Variants in MTA3 observed in about 807,000 individuals in gnomAD.
MTA3 encodes the protein metastasis-associated protein MTA3.
Under a neutral mutation model 83.5 loss-of-function variants are expected in MTA3, and 34 were observed. That is an observed-to-expected ratio of 0.41 (90% CI 0.31 to 0.54). The LOEUF is 0.54. Ranked by LOEUF, MTA3 falls within the 20% of genes least tolerant of loss-of-function variation. The probability of loss-of-function intolerance (pLI) is 0.33; values close to 1 mark genes in which losing one functional copy is unlikely to be tolerated. For missense variants in MTA3, 761 were observed against 726.4 expected, an observed-to-expected ratio of 1.05 and a Z score of -0.55; for synonymous variants, 303 against 252.7, an observed-to-expected ratio of 1.20 and a Z score of -1.89.
At chr2:42,731,463 C>T (rs146335411) in intron 16 of MTA3, among the ~76,000 whole-genome samples, 1 of 152,318 alleles carries the variant, frequency 6.6e-6, no homozygotes, top group East Asian at 1.9e-4. Flanking sequence ...GCACTTTTTA[C>T]ATGGTGGCAG....
At chr2:42,614,990 A>C (rs192883672) in intron 4 of MTA3, among the ~76,000 whole-genome samples, 1,576 of 150,258 alleles carry the variant, frequency 0.01, 23 homozygotes, top group African/African-American at 0.037. Context: ...AAAAAAAAAA[A>C]CAAAAAGCAG....
chr2:42,654,804 T>A (rs1689014957), intron 6 of MTA3, among the ~76,000 whole-genome samples: 1 of 152,170 alleles, frequency 6.6e-6, no homozygotes, highest in African/African-American at 2.4e-5. Context: ...TTTGTAGAGT[T>A]GGAGTCTCAC....
intron 8 of MTA3, among the ~76,000 whole-genome samples, chr2:42,670,149 C>T (rs1480679227): frequency 6.6e-6 from 1 of 152,016 alleles, no homozygotes; most frequent in Non-Finnish European, 1.5e-5. Flanking sequence ...ATCCCAGCGA[C>T]TTGGGAGGCT....
chr2:42,612,907 A>G (rs963851261), intron 4 of MTA3, among the ~76,000 whole-genome samples: 4 of 152,212 alleles, frequency 2.6e-5, no homozygotes, highest in African/African-American at 9.6e-5. Context: ...TTACGTGGCC[A>G]GTCTTAAGAC....
At chr2:42,526,724 C>T (rs1343736169) in intron 2 of MTA3, among the ~76,000 whole-genome samples, 1 of 151,956 alleles carries the variant, frequency 6.6e-6, no homozygotes, top group East Asian at 1.9e-4. Context: ...AAGAGGCTAC[C>T]CTTCAAGATG....
At chr2:42,725,559 C>T (rs1485934262) in intron 16 of MTA3, among the ~76,000 whole-genome samples, 3 of 152,230 alleles carry the variant, frequency 2.0e-5, no homozygotes, top group Admixed American at 1.3e-4. Flanking sequence ...CCACCATTCT[C>T]AGGGTTGGGA....
chr2:42,655,551 G>C (rs1483780529), intron 6 of MTA3, among the ~76,000 whole-genome samples: 1 of 151,952 alleles, frequency 6.6e-6, no homozygotes, highest in Non-Finnish European at 1.5e-5. Flanking sequence ...CTATTTATTT[G>C]GTTTATATCA....
chr2:42,571,386 C>T (rs1230616478), intron 2 of MTA3, among the ~76,000 whole-genome samples: 1 of 63,806 alleles, frequency 1.6e-5, no homozygotes, highest in Non-Finnish European at 2.9e-5. Context: ...AACACTGTCT[C>T]AAAAAAAAAA....
At chr2:42,504,665 C>CT (rs373215866) in intron 2 of MTA3, among the ~76,000 whole-genome samples, 3,095 of 142,954 alleles carry the variant, frequency 0.022, 69 homozygotes, top group African/African-American at 0.068. Context: ...TTTAAGCTTG[C>CT]TTTTTTTTTT....
chr2:42,581,302 G>A (rs1240961957), intron 3 of MTA3, among the ~76,000 whole-genome samples: 1 of 151,568 alleles, frequency 6.6e-6, no homozygotes, highest in Non-Finnish European at 1.5e-5. Context: ...TAGCCTCAAG[G>A]GATCCTCACA....
At chr2:42,625,584 A>G (rs1195831132) in intron 4 of MTA3, among the ~76,000 whole-genome samples, 2 of 150,234 alleles carry the variant, frequency 1.3e-5, no homozygotes, top group African/African-American at 5.0e-5. Context: ...GTCTCTACTA[A>G]AAATACAAAA....
intron 2 of MTA3, among the ~76,000 whole-genome samples, chr2:42,532,277 G>A (rs1344344676): frequency 6.6e-6 from 1 of 152,210 alleles, no homozygotes; most frequent in East Asian, 1.9e-4. Context: ...TTGAGAGGTT[G>A]AGATGGGTGG....
chr2:42,507,721 G>A (rs1674698815), intron 2 of MTA3, among the ~76,000 whole-genome samples: 1 of 151,704 alleles, frequency 6.6e-6, no homozygotes, highest in African/African-American at 2.4e-5. Flanking sequence ...TTGAGCCCAG[G>A]AGTTCAAGAC....
At chr2:42,695,389 C>A (rs1461407932) in intron 9 of MTA3, among the ~76,000 whole-genome samples, 1 of 151,870 alleles carries the variant, frequency 6.6e-6, no homozygotes, top group African/African-American at 2.4e-5. Flanking sequence ...AATCTCAGCA[C>A]TTTGGGAGGC....
intron 2 of MTA3, among the ~76,000 whole-genome samples, chr2:42,497,492 C>T (rs1044441643): frequency 2.7e-5 from 4 of 147,852 alleles, no homozygotes; most frequent in African/African-American, 5.0e-5. Context: ...AGCTGAGGCA[C>T]GAGAATCGCT....
At chr2:42,722,264 T>C (rs1481140315) in intron 15 of MTA3, among the ~76,000 whole-genome samples, 1 of 152,230 alleles carries the variant, frequency 6.6e-6, no homozygotes, top group Non-Finnish European at 1.5e-5. Context: ...TATACCTTTG[T>C]TAAACATGCA....
At chr2:42,616,282 C>T (rs1424466347) in intron 4 of MTA3, among the ~76,000 whole-genome samples, 1 of 152,098 alleles carries the variant, frequency 6.6e-6, no homozygotes, top group African/African-American at 2.4e-5. Flanking sequence ...AGGCTGGCCT[C>T]GAACTCCTGA....
chr2:42,499,487 C>T (rs906541722), intron 2 of MTA3, among the ~76,000 whole-genome samples: 3 of 149,406 alleles, frequency 2.0e-5, no homozygotes, highest in Non-Finnish European at 4.4e-5. Flanking sequence ...TATAGGTGTT[C>T]TTATCATTTC....
upstream of MTA3, chr2:42,568,297 G>A (rs764316141): frequency 6.9e-4 from 109 of 157,278 alleles, no homozygotes; most frequent in Non-Finnish European, 1.2e-3. Flanking sequence ...AGGTGCTGGG[G>A]AGAGGCTAAG....
Sources: allele counts gnomAD v4.1 joint callset (sites outside exome capture counted in the v4.1 genomes callset), GRCh38; gene constraint gnomAD v4.1.1; transcripts MANE v1.5; gene names NCBI Gene and HGNC (gene_info 2026-07-23, HGNC 2026-07-21).